The following PTPRT variants were observed in gnomAD, a reference collection of about 807,000 sequenced individuals.
The protein encoded by PTPRT is receptor-type tyrosine-protein phosphatase T.
In PTPRT, 56 loss-of-function variants were observed where a neutral mutation model predicts 176.8. The ratio of observed to expected loss-of-function variants is 0.32; its 90% CI spans 0.26 to 0.40. The LOEUF is 0.40. Ranked by LOEUF, PTPRT falls within the 10% of genes least tolerant of loss-of-function variation. The probability of loss-of-function intolerance (pLI) is 1.00; values close to 1 mark genes in which losing one functional copy is unlikely to be tolerated. For synonymous variants in PTPRT, 783 were observed against 739.0 expected (o/e 1.06, Z -0.96); for missense variants, 1,540 against 1,908.2 (o/e 0.81, Z 3.60).
chr20:42,887,150 T>A (rs1196342087), intron 1 of PTPRT, among the ~76,000 whole-genome samples: 1 of 152,158 alleles, frequency 6.6e-6, no homozygotes, highest in African/African-American at 2.4e-5. Context: ...ATAGATTAAA[T>A]GTGTGAATGC....
chr20:42,651,767 C>A (rs2075035005), intron 7 of PTPRT, among the ~76,000 whole-genome samples: 2 of 152,250 alleles, frequency 1.3e-5, no homozygotes, highest in Non-Finnish European at 2.9e-5. Context: ...GATAATATGG[C>A]CAGGCACAGT....
At chr20:42,047,882 C>G in the PTPRT span, among the ~76,000 whole-genome samples, 1 of 152,200 alleles carries the variant, frequency 6.6e-6, no homozygotes, top group Non-Finnish European at 1.5e-5. Flanking sequence ...TGCCCAATAT[C>G]ATCTTCCTAG....
chr20:43,017,551 C>T (rs1985436522), intron 1 of PTPRT, among the ~76,000 whole-genome samples: 1 of 152,192 alleles, frequency 6.6e-6, no homozygotes, highest in South Asian at 2.1e-4. Flanking sequence ...GACTTTCTCT[C>T]TCTCCCTTGT....
At chr20:43,087,230 C>T (rs1358112271) in intron 1 of PTPRT, among the ~76,000 whole-genome samples, 3 of 152,132 alleles carry the variant, frequency 2.0e-5, no homozygotes, top group Non-Finnish European at 4.4e-5. Context: ...TGGCTTCTTT[C>T]ACTTAATCTT....
chr20:42,445,803 A>G (rs1008957399), intron 9 of PTPRT, among the ~76,000 whole-genome samples: 1 of 152,142 alleles, frequency 6.6e-6, no homozygotes, highest in Non-Finnish European at 1.5e-5. Flanking sequence ...GAAAATCCAC[A>G]AGGCATCAGA....
chr20:42,570,962 G>A (rs972749091), intron 7 of PTPRT, among the ~76,000 whole-genome samples: 1 of 151,896 alleles, frequency 6.6e-6, no homozygotes. Context: ...CGGGGGTGGG[G>A]GTGGGTTATT....
chr20:42,333,806 G>A (rs1057293296), intron 11 of PTPRT, among the ~76,000 whole-genome samples: 3 of 152,034 alleles, frequency 2.0e-5, no homozygotes, highest in Non-Finnish European at 4.4e-5. Context: ...TCAGCCTGCT[G>A]AGTAGCTGGA....
chr20:42,731,008 T>C (rs777865146), intron 6 of PTPRT, among the ~76,000 whole-genome samples: 4 of 152,144 alleles, frequency 2.6e-5, no homozygotes, highest in Non-Finnish European at 5.9e-5. Flanking sequence ...AGATTTTGTT[T>C]CTAGGGAACC....
chr20:42,787,874 C>G (rs1268989551), intron 3 of PTPRT, among the ~76,000 whole-genome samples: 1 of 152,124 alleles, frequency 6.6e-6, no homozygotes, highest in African/African-American at 2.4e-5. Flanking sequence ...CATTTGATTA[C>G]AGGGTACTGC....
intron 11 of PTPRT, among the ~76,000 whole-genome samples, chr20:42,341,102 A>C (rs528081416): frequency 6.6e-6 from 1 of 152,120 alleles, no homozygotes; most frequent in South Asian, 2.1e-4. Context: ...TATCCTATAG[A>C]AGAGTTTTAT....
At chr20:43,103,458 C>T (rs2012472772) in intron 1 of PTPRT, among the ~76,000 whole-genome samples, 1 of 152,176 alleles carries the variant, frequency 6.6e-6, no homozygotes, top group Admixed American at 6.5e-5. Context: ...AGGAAACTTG[C>T]TGAGAGGCTG....
rs553322239 is a variant in PTPRT at position 42,576,103 on chromosome 20, G to A, written c.1153+101763C>T. ...TTTACCCCTCTATCCATTACACTAC[G>A]ATCCAGCTGGGGTAAGTGCCTGTTG... On this transcript the variant is annotated intron_variant, in intron 7 of 30. Transcript: ENST00000373187. 5.9e-5 allele frequency among the ~76,000 whole-genome samples: 9 copies of A among 152,198 alleles called. No individual in the cohort carries two copies. In the South Asian group the frequency reaches 1.5e-3, roughly 25 times the overall value.
intron 6 of PTPRT, among the ~76,000 whole-genome samples, chr20:42,739,693 CA>C: frequency 6.6e-6 from 1 of 152,288 alleles, no homozygotes; most frequent in Middle Eastern, 3.4e-3. Context: ...GGGTTTCCAT[CA>C]GTGTGAAATT....
chr20:42,411,216 G>A (rs191012521), intron 9 of PTPRT, among the ~76,000 whole-genome samples: 164 of 152,016 alleles, frequency 1.1e-3, no homozygotes, highest in Middle Eastern at 0.01. Context: ...AGGCCGAGGC[G>A]GGCAGATCAC....
intron 6 of PTPRT, among the ~76,000 whole-genome samples, chr20:42,709,551 G>A (rs372495200): frequency 1.3e-5 from 2 of 152,290 alleles, no homozygotes; most frequent in South Asian, 4.1e-4. Flanking sequence ...ACAGCCTGTA[G>A]AACCATTAGC....
intron 9 of PTPRT, among the ~76,000 whole-genome samples, chr20:42,402,885 C>G (rs1265331783): frequency 6.6e-6 from 1 of 151,944 alleles, no homozygotes; most frequent in Non-Finnish European, 1.5e-5. Context: ...TATGTTCATG[C>G]ATGAGCATGT....
At chr20:42,983,779 C>T (rs988095796) in intron 1 of PTPRT, among the ~76,000 whole-genome samples, 9 of 152,360 alleles carry the variant, frequency 5.9e-5, no homozygotes, top group South Asian at 2.1e-4. Context: ...TTTCCAGTTT[C>T]CTGCCTTACT....
At chr20:42,807,327 T>C (rs925548036) in intron 2 of PTPRT, among the ~76,000 whole-genome samples, 2 of 152,200 alleles carry the variant, frequency 1.3e-5, no homozygotes, top group African/African-American at 4.8e-5. Flanking sequence ...TGTCAAAAGT[T>C]CACCTGTCTC....
intron 9 of PTPRT, among the ~76,000 whole-genome samples, chr20:42,394,353 A>T (rs1225261489): frequency 6.6e-6 from 1 of 152,144 alleles, no homozygotes; most frequent in African/African-American, 2.4e-5. Flanking sequence ...TGGGCATGGG[A>T]CCTCATTCTT....
Sources: gnomAD v4.1 joint callset for allele counts (sites outside exome capture counted in the v4.1 genomes callset) on GRCh38, gnomAD v4.1.1 for gene constraint, MANE v1.5 for transcripts, NCBI Gene and HGNC (gene_info 2026-07-23, HGNC 2026-07-21) for gene names.